FDFT1: variants seen among roughly 807,000 people sequenced by gnomAD.
The protein encoded by FDFT1 is farnesyl-diphosphate farnesyltransferase 1, also known as squalene synthase.
Under a neutral mutation model 46.8 loss-of-function variants are expected in FDFT1, and 68 were observed. The ratio of observed to expected loss-of-function variants is 1.45; its 90% CI spans 1.19 to 1.78. The LOEUF (loss-of-function observed/expected upper bound fraction) is 1.78. FDFT1 is among the 40% of genes most tolerant of loss of function. FDFT1 has a pLI of 0.00. For synonymous variants in FDFT1, 351 were observed against 185.1 expected, an observed-to-expected ratio of 1.90 and a Z score of -7.28; for missense variants, 928 against 524.4, an observed-to-expected ratio of 1.77 and a Z score of -7.52.
intron 3 of FDFT1, among the ~76,000 whole-genome samples, chr8:11,817,326 TTC>T (rs1320107547): frequency 1.3e-5 from 2 of 152,238 alleles, no homozygotes; most frequent in Non-Finnish European, 2.9e-5. Context: ...TGGCCTAAAA[TTC>T]TCTTTTTTTA....
At chr8:11,795,845 G>A (rs1003865827) in exon 1 of FDFT1, 4 of 152,556 alleles carry the variant, frequency 2.6e-5, no homozygotes, top group African/African-American at 7.3e-5. Flanking sequence ...GAACCCACCA[G>A]AAGGAAGAAA....
upstream of FDFT1, among the ~76,000 whole-genome samples, chr8:11,800,212 G>C (rs934587975): frequency 4.9e-5 from 6 of 122,692 alleles, no homozygotes; most frequent in South Asian, 1.4e-3. Context: ...AGTGAACCGA[G>C]ACTGTGCCAC....
chr8:11,799,957 AAATG>A (rs1249607911), upstream of FDFT1, among the ~76,000 whole-genome samples: 3 of 146,344 alleles, frequency 2.0e-5, no homozygotes, highest in Non-Finnish European at 3.0e-5. Context: ...AAAAAAAAAA[AAATG>A]AAGAAGAAAT....
upstream of FDFT1, among the ~76,000 whole-genome samples, chr8:11,797,767 G>A (rs753557717): frequency 3.3e-5 from 5 of 152,240 alleles, no homozygotes; most frequent in Middle Eastern, 3.4e-3. Context: ...TAATGGAGGC[G>A]TGGCAGGTGG....
At chr8:11,796,944 A>C (rs1563281124) in intron 1 of FDFT1, among the ~76,000 whole-genome samples, 1 of 152,248 alleles carries the variant, frequency 6.6e-6, no homozygotes, top group African/African-American at 2.4e-5. Context: ...AGTGTGCTGA[A>C]AGCAGCTCAG....
rs187600519 is a variant in FDFT1, at chr8:11,818,955, C to T, written c.382-2795C>T. Among the ~76,000 whole-genome samples, 730 of 152,292 alleles carry T rather than the reference C, an allele frequency of 4.8e-3. 4 individuals are homozygous for T. Among genetic ancestry groups the T allele is most frequent in the Middle Eastern group, 0.031 (9 of 294 alleles). The stretch of plus-strand genomic sequence containing the variant: ...GCAGTTTCTTCCTAGCCTCGATGGT[C>T]TTTACAATTTGGCATGTTTTTGCAG... On this transcript the variant is annotated intron_variant, in intron 3 of 7. Transcript: ENST00000220584.
rs948664255 is a variant in FDFT1, at chr8:11,809,470, A to G, written c.198-197A>G. On this transcript the variant is annotated intron_variant, in intron 2 of 7. Coordinates refer to ENST00000220584, the MANE Select transcript of FDFT1 (RefSeq NM_004462.5). Reference sequence around the variant, plus strand: ...CAACTAGTAGGCTTTTTAATAAACTACAGAAGTTCATTACTCTCATGTAAG... The same window carrying G: ...CAACTAGTAGGCTTTTTAATAAACTGCAGAAGTTCATTACTCTCATGTAAG... The G allele has an allele frequency of 6.9e-5, 91 of 1,312,464 alleles. No homozygotes were observed. The Middle Eastern group carries it at 8.7e-4, about 13-fold the overall frequency. The allele number at this position is 1,312,464 out of a possible 1,614,324, so 81.3% of individuals were successfully genotyped here. A position where few individuals can be genotyped will look rare whatever the true frequency, so the allele number is the denominator to read the frequency against.
upstream of FDFT1, among the ~76,000 whole-genome samples, chr8:11,797,607 C>CAT (rs138000185): frequency 0.043 from 4,597 of 106,760 alleles, 139 homozygotes; most frequent in Admixed American, 0.087. Context: ...GCCTGGACAA[C>CAT]ATAAGACCCT....
chr8:11,833,069 T>C (rs1362138996), intron 7 of FDFT1, among the ~76,000 whole-genome samples: 1 of 152,222 alleles, frequency 6.6e-6, no homozygotes, highest in East Asian at 1.9e-4. Context: ...CCAGAACTTC[T>C]ATCAGAGGCA....
intron 1 of FDFT1, among the ~76,000 whole-genome samples, chr8:11,807,496 A>C (rs1807014806): frequency 6.6e-6 from 1 of 152,038 alleles, no homozygotes. Flanking sequence ...TCTCCCAAAA[A>C]GAACTGTTGT....
chr8:11,838,956 A>C lies in FDFT1; in HGVS notation c.*347A>C, dbSNP rs1427484201. 1 of 223,206 alleles carries C rather than the reference A, an allele frequency of 4.5e-6. No individual in the cohort carries two copies. Among genetic ancestry groups the C allele is most frequent in the Non-Finnish European group, 9.0e-6 (1 of 111,678 alleles). The allele number at this position is 223,206 out of a possible 1,614,324, so 13.8% of individuals were successfully genotyped here. ...CTAGAATGATAATTAAAAGTATTTA[A>C]TTTGAAGCACCATTTGAATGTTCGT... On this transcript the variant is annotated 3_prime_UTR_variant, in exon 8 of 8. Transcript: ENST00000220584.
chr8:11,800,104 C>T (rs958647937), upstream of FDFT1, among the ~76,000 whole-genome samples: 9 of 148,606 alleles, frequency 6.1e-5, no homozygotes, highest in African/African-American at 1.7e-4. Context: ...TACTAAAAAT[C>T]GAAAAATTAC....
At chr8:11,824,937 G>A (rs188961353) in intron 4 of FDFT1, among the ~76,000 whole-genome samples, 11 of 152,020 alleles carry the variant, frequency 7.2e-5, no homozygotes, top group African/African-American at 1.9e-4. Context: ...GGGTTTCACC[G>A]TCTTAGCCAG....
At chr8:11,822,858 G>C (rs1045967101) in intron 4 of FDFT1, among the ~76,000 whole-genome samples, 1 of 152,192 alleles carries the variant, frequency 6.6e-6, no homozygotes, top group African/African-American at 2.4e-5. Context: ...CCAAGAACCA[G>C]CACTGGTTAT....
upstream of FDFT1, among the ~76,000 whole-genome samples, chr8:11,799,989 C>G (rs796759978): frequency 6.7e-6 from 1 of 148,848 alleles, no homozygotes; most frequent in Non-Finnish European, 1.5e-5. Context: ...GAAGGCTGGG[C>G]GCAGTGGCTT....
In FDFT1 at chr8:11,826,012, C is replaced by T. The variant is rs774489544; in HGVS notation, c.511-12C>T. The T allele has an allele frequency of 5.3e-6, 8 of 1,505,998 alleles. No individual in the cohort carries two copies. Among genetic ancestry groups the T allele is most frequent in the Non-Finnish European group, 7.2e-6 (8 of 1,113,898 alleles). 93.3% of individuals were successfully genotyped at this position (1,505,998 alleles called of 1,614,324 possible). A position where few individuals can be genotyped will look rare whatever the true frequency, so the allele number is the denominator to read the frequency against. On this transcript the variant is annotated splice_polypyrimidine_tract_variant and intron_variant, in intron 4 of 7. Transcript: ENST00000220584. ...TCCATTATTAAAGTGCTTTAAAAAT[C>T]GTCTCTTACAGTACTGCCACTATGT... is the stretch of plus-strand genomic sequence containing the variant.
chr8:11,823,209 G>T (rs1809503448), intron 4 of FDFT1, among the ~76,000 whole-genome samples: 1 of 152,088 alleles, frequency 6.6e-6, no homozygotes, highest in Non-Finnish European at 1.5e-5. Flanking sequence ...TCCCACTCTG[G>T]CCTCTCAAAT....
chr8:11,806,494 G>A (rs1324187610), intron 1 of FDFT1, among the ~76,000 whole-genome samples: 1 of 152,128 alleles, frequency 6.6e-6, no homozygotes, highest in African/African-American at 2.4e-5. Context: ...GGAGTAAGTG[G>A]CTTGGCTTGC....
upstream of FDFT1, among the ~76,000 whole-genome samples, chr8:11,801,404 C>G (rs1182323791): frequency 6.6e-6 from 1 of 152,226 alleles, no homozygotes; most frequent in Admixed American, 6.5e-5. Context: ...ACTGCAACCT[C>G]TGCCTCCTGT....
Sources: allele counts gnomAD v4.1 joint callset (sites outside exome capture counted in the v4.1 genomes callset), GRCh38; gene constraint gnomAD v4.1.1; transcripts MANE v1.5; gene names NCBI Gene and HGNC (gene_info 2026-07-23, HGNC 2026-07-21).